Variants in SHANK2 observed in about 807,000 individuals in gnomAD.
SHANK2 encodes the protein SH3 and multiple ankyrin repeat domains 2, also known as SH3 and multiple ankyrin repeat domains protein 2.
A neutral mutation model predicts 133.7 loss-of-function variants in SHANK2; 43 were observed. The observed-to-expected ratio is 0.32, with a 90% CI of 0.25 to 0.41. The LOEUF (loss-of-function observed/expected upper bound fraction) is 0.41, where lower values mean the gene tolerates loss of function less well. SHANK2 is among the 10% of genes least tolerant of loss of function. The probability of loss-of-function intolerance (pLI) is 1.00; values close to 1 mark genes in which losing one functional copy is unlikely to be tolerated. For missense variants in SHANK2, 1,994 were observed against 2,235.8 expected (o/e 0.89, Z 2.18); for synonymous variants, 1,017 against 952.8 (o/e 1.07, Z -1.24).
chr11:71,166,933 C>T lies in SHANK2; in HGVS notation c.-12-19595G>A, dbSNP rs10897686. Among the ~76,000 whole-genome samples the T allele has an allele frequency of 1.3e-4, 15 of 112,048 alleles. 2 individuals carry two copies. In the South Asian group the frequency reaches 5.1e-3, roughly 38 times the overall value. 73.5% of individuals were successfully genotyped at this position (112,048 alleles called of 152,430 possible). A position where few individuals can be genotyped will look rare whatever the true frequency, so the allele number is the denominator to read the frequency against. The stretch of plus-strand genomic sequence containing the variant: ...TGGTTTTCCTAGGCAGAGGACCCTG[C>T]GGCCTTCCGCAGTGTTTGTGTCCCT... On this transcript the variant is annotated intron_variant, in intron 2 of 25. Transcript: ENST00000601538.
rs1290639739 is a variant in SHANK2, at chr11:70,762,431, C to T, written c.1777+36012G>A. On this transcript the variant is annotated intron_variant, in intron 14 of 25. Transcript: ENST00000601538. ...TGAGAAGGAATGTCAGTGGTGGGGG[C>T]GCCTCTTTTGAGTCTGTATTCTGGA... Among the ~76,000 whole-genome samples the T allele has an allele frequency of 3.3e-5, 5 of 152,068 alleles. No homozygotes were observed. In the East Asian group the frequency reaches 7.7e-4, roughly 24 times the overall value.
intron 2 of SHANK2, among the ~76,000 whole-genome samples, chr11:71,221,630 A>T (rs1049499260): frequency 6.6e-6 from 1 of 152,218 alleles, no homozygotes; most frequent in Admixed American, 6.5e-5. Flanking sequence ...TCAACAGTCA[A>T]TGAGAATTGC....
At chr11:70,849,003 A>G (rs1223877801) in intron 11 of SHANK2, among the ~76,000 whole-genome samples, 1 of 152,122 alleles carries the variant, frequency 6.6e-6, no homozygotes, top group South Asian at 2.1e-4. Context: ...TGAGTCAGAG[A>G]AGGATGTGAG....
Position 70,739,219 on chromosome 11 carries a change from G to A in SHANK2, c.1778-40456C>T, listed in dbSNP as rs1262466942. Among the ~76,000 whole-genome samples the A allele has an allele frequency of 5.3e-5, 8 of 152,168 alleles. No individual in the cohort carries two copies. Among genetic ancestry groups the A allele is most frequent in the Non-Finnish European group, 7.3e-5 (5 of 68,030 alleles). ...CCAGAGGGCCTGATGGTGGGGATGC[G>A]GCATGTGAACTTCAGGGGCACACAA... On this transcript the variant is annotated intron_variant, in intron 14 of 25. Transcript: ENST00000601538. The surrounding 1 kb of genome is among the most constrained non-coding windows in gnomAD (Gnocchi z 4.3).
At chr11:70,666,389 CAG>C (rs1491235650) in intron 15 of SHANK2, among the ~76,000 whole-genome samples, 1 of 152,212 alleles carries the variant, frequency 6.6e-6, no homozygotes, top group Admixed American at 6.5e-5. Flanking sequence ...TGCAATCAGA[CAG>C]GGGGGTCTCA....
chr11:70,847,575 A>G (rs894909525), intron 11 of SHANK2, among the ~76,000 whole-genome samples: 1 of 152,174 alleles, frequency 6.6e-6, no homozygotes, highest in African/African-American at 2.4e-5. Context: ...GGAACGGGGG[A>G]CCAGCACTGA....
chr11:70,524,871 CA>C lies in SHANK2; in HGVS notation c.2062-21941del, dbSNP rs1591535572. Among the ~76,000 whole-genome samples the C allele has an allele frequency of 2.0e-5, 3 of 152,396 alleles. No homozygotes were observed. In the East Asian group the frequency reaches 5.8e-4, roughly 29 times the overall value. ...GCTGCCTCTCACCATCTCATGCACACATGGACACATACATGCTCACACGCAC... is the reference window on the plus strand; with the variant it reads ...GCTGCCTCTCACCATCTCATGCACACTGGACACATACATGCTCACACGCAC... On this transcript the variant is annotated intron_variant, in intron 17 of 25. Transcript: ENST00000601538.
At chr11:70,558,909 C>G (rs950264737) in intron 17 of SHANK2, among the ~76,000 whole-genome samples, 1 of 152,208 alleles carries the variant, frequency 6.6e-6, no homozygotes, top group East Asian at 1.9e-4. Context: ...GCCTGCAGCG[C>G]GTCTGCACAC....
In SHANK2 at chr11:71,236,099, AC is replaced by A. The variant is rs576371003; in HGVS notation, c.-112-11304del. ...GGACACTGTTTGTTTCAAAGGCAGG[AC>A]CGGACTGAGGGTGATGTTGCTCGGG... On this transcript the variant is annotated intron_variant, in intron 1 of 25. Transcript: ENST00000601538. 1.4e-3 allele frequency among the ~76,000 whole-genome samples: 220 copies of A among 152,252 alleles called. 1 individual carries two copies. Among genetic ancestry groups the A allele is most frequent in the Non-Finnish European group, 2.4e-3 (163 of 68,010 alleles).
Position 70,549,199 on chromosome 11 carries a change from G to A in SHANK2, c.2062-46268C>T, listed in dbSNP as rs56708838. On this transcript the variant is annotated intron_variant, in intron 17 of 25. Coordinates refer to ENST00000601538, the MANE Select transcript of SHANK2 (RefSeq NM_012309.5). Reference sequence around the variant, plus strand: ...CACACAGGCCCTGAGACCATGGTCCGACTTACGTAGGTACTTATCACAGGC... The same window carrying A: ...CACACAGGCCCTGAGACCATGGTCCAACTTACGTAGGTACTTATCACAGGC... 6.7e-3 allele frequency among the ~76,000 whole-genome samples: 1,025 copies of A among 152,280 alleles called. 10 individuals carry two copies. Among genetic ancestry groups the A allele is most frequent in the African/African-American group, 0.023 (974 of 41,556 alleles).
chr11:71,140,912 G>GT (rs1253023865), intron 3 of SHANK2, among the ~76,000 whole-genome samples: 1 of 152,236 alleles, frequency 6.6e-6, no homozygotes, highest in Non-Finnish European at 1.5e-5. Context: ...GTACCAAGCA[G>GT]TTGGTGGCAC....
At chr11:70,626,329 A>G (rs2060905309) in intron 17 of SHANK2, among the ~76,000 whole-genome samples, 1 of 152,172 alleles carries the variant, frequency 6.6e-6, no homozygotes, top group African/African-American at 2.4e-5. Flanking sequence ...ATCACCCACA[A>G]TATCTGCACT....
Position 70,473,169 on chromosome 11 carries a change from C to T in SHANK2, c.5250G>A (p.Gly1750=), listed in dbSNP as rs781795841. The part of the protein sequence containing the change: ...VFSLPSQPPS[G]DLFGLNPAGR... Reference sequence around the variant, plus strand: ...CCGCTGGGTTCAAGCCAAATAGATCCCCAGAAGGGGGCTGGCTTGGAAGGC... The same window carrying T: ...CCGCTGGGTTCAAGCCAAATAGATCTCCAGAAGGGGGCTGGCTTGGAAGGC... The change falls in exon 26 of 26, where the codon GGG becomes GGA. Residue 1750 remains glycine (G), a synonymous_variant. Coordinates refer to ENST00000601538, the MANE Select transcript of SHANK2 (RefSeq NM_012309.5). The surrounding 1 kb of genome is among the most constrained non-coding windows in gnomAD (Gnocchi z 5.9). 6.2e-7 allele frequency: 1 copy of T among 1,613,718 alleles called. No homozygotes were observed. The highest frequency in any genetic ancestry group is 8.5e-7 in the Non-Finnish European group (1 of 1,179,608).
intron 14 of SHANK2, among the ~76,000 whole-genome samples, chr11:70,724,740 C>CCAAA (rs1290458844): frequency 1.3e-5 from 2 of 152,198 alleles, no homozygotes; most frequent in Non-Finnish European, 2.9e-5. Flanking sequence ...AGCCTTGTGT[C>CCAAA]CAAACACCAG....
intron 3 of SHANK2, among the ~76,000 whole-genome samples, chr11:71,129,397 C>A (rs1351208801): frequency 5.3e-5 from 8 of 152,168 alleles, no homozygotes; most frequent in Admixed American, 4.6e-4. Flanking sequence ...CATCTACACC[C>A]CTCTTAGTAC....
intron 17 of SHANK2, among the ~76,000 whole-genome samples, chr11:70,610,844 C>T (rs1324822222): frequency 6.6e-6 from 1 of 152,144 alleles, no homozygotes; most frequent in Non-Finnish European, 1.5e-5. Flanking sequence ...CTGTGGGGAT[C>T]CACAGGACTC....
intron 11 of SHANK2, chr11:70,826,647 G>A: frequency 2.4e-6 from 1 of 421,964 alleles, no homozygotes; most frequent in South Asian, 1.7e-5. Context: ...GTGCACTTCC[G>A]AGCATAGCTG....
At chr11:71,186,871 C>A (rs532381752) in intron 2 of SHANK2, among the ~76,000 whole-genome samples, 1 of 152,362 alleles carries the variant, frequency 6.6e-6, no homozygotes, top group South Asian at 2.1e-4. Flanking sequence ...TTCAGCCCAG[C>A]CTCACCTCAC....
chr11:70,602,974 A>AG, intron 17 of SHANK2, among the ~76,000 whole-genome samples: 1 of 152,262 alleles, frequency 6.6e-6, no homozygotes, highest in South Asian at 2.1e-4. Context: ...CCCAGAGCAT[A>AG]CTGCTGGCCC....
Sources: gnomAD v4.1 joint callset for allele counts (sites outside exome capture counted in the v4.1 genomes callset) on GRCh38, gnomAD v4.1.1 for gene constraint, Gnocchi (gnomAD v3.1) non-coding constraint, MANE v1.5 for transcripts, NCBI Gene and HGNC (gene_info 2026-07-23, HGNC 2026-07-21) for gene names.